The following PDE7A variants were observed in gnomAD, a reference collection of about 807,000 sequenced individuals.
The protein encoded by PDE7A is high affinity 3',5'-cyclic-AMP phosphodiesterase 7A.
In PDE7A, 39 loss-of-function variants were observed where a neutral mutation model predicts 64.3. That is an observed-to-expected ratio of 0.61 (90% CI 0.47 to 0.79). The LOEUF (loss-of-function observed/expected upper bound fraction) is 0.79, where lower values mean the gene tolerates loss of function less well. Ranked by LOEUF, PDE7A falls within the 30% of genes least tolerant of loss-of-function variation. The pLI, the probability that PDE7A is intolerant of heterozygous loss-of-function variation, is 0.00. For synonymous variants in PDE7A, 203 were observed against 206.8 expected, an observed-to-expected ratio of 0.98 and a Z score of 0.16; for missense variants, 470 against 582.8, an observed-to-expected ratio of 0.81 and a Z score of 1.99.
chr8:65,811,914 T>C (rs140343086), intron 1 of PDE7A, among the ~76,000 whole-genome samples: 34 of 152,212 alleles, frequency 2.2e-4, no homozygotes, highest in Admixed American at 9.8e-4. Flanking sequence ...TGGAAAAGAA[T>C]AGAAAGTCCA....
chr8:65,834,084 G>A (rs1343874391), intron 1 of PDE7A, among the ~76,000 whole-genome samples: 1 of 152,114 alleles, frequency 6.6e-6, no homozygotes, highest in African/African-American at 2.4e-5. Context: ...CCCCTTACAA[G>A]CAGATTTTTT....
At chr8:65,741,790 A>C (rs537629382) in intron 5 of PDE7A, among the ~76,000 whole-genome samples, 1 of 152,362 alleles carries the variant, frequency 6.6e-6, no homozygotes, top group Non-Finnish European at 1.5e-5. Context: ...AGATTATCAT[A>C]AGGTTCTCCA....
chr8:65,814,978 G>C (rs1810361281), intron 1 of PDE7A, among the ~76,000 whole-genome samples: 1 of 152,098 alleles, frequency 6.6e-6, no homozygotes, highest in Non-Finnish European at 1.5e-5. Context: ...CTACTCGGGA[G>C]GCTGAGGCAG....
intron 5 of PDE7A, among the ~76,000 whole-genome samples, chr8:65,743,419 TAGA>T (rs1480900348): frequency 6.6e-6 from 1 of 151,922 alleles, no homozygotes; most frequent in Non-Finnish European, 1.5e-5. Context: ...AAAGGAAAAG[TAGA>T]AGAGAGATAG....
rs564770167 is a variant in PDE7A, at chr8:65,786,540, T to G, written c.139-3697A>C. Among the ~76,000 whole-genome samples the G allele has an allele frequency of 4.7e-4, 72 of 152,350 alleles. 2 individuals are homozygous for G. The South Asian group carries it at 0.015, about 31-fold the overall frequency. On this transcript the variant is annotated intron_variant, in intron 1 of 12. Transcript: ENST00000401827. ...ATTTGACCTCCGTGTTAGAATCATGTTGTTTTAAAAATAATTATATCTACT... is the reference window on the plus strand; with the variant it reads ...ATTTGACCTCCGTGTTAGAATCATGGTGTTTTAAAAATAATTATATCTACT...
chr8:65,827,511 CT>C lies in PDE7A; in HGVS notation c.138+13859del, dbSNP rs374101399. 4.8e-3 allele frequency among the ~76,000 whole-genome samples: 734 copies of C among 152,230 alleles called. 5 individuals are homozygous for C. Among genetic ancestry groups the C allele is most frequent in the African/African-American group, 0.017 (711 of 41,524 alleles). On this transcript the variant is annotated intron_variant, in intron 1 of 12. Coordinates refer to ENST00000401827, the MANE Select transcript of PDE7A (RefSeq NM_001242318.3). The stretch of plus-strand genomic sequence containing the variant: ...TGTAAACTAGCCACCATAACACTCA[CT>C]TTAATTTTCTTCATTTTTCATTAAG...
intron 7 of PDE7A, among the ~76,000 whole-genome samples, chr8:65,734,178 A>T (rs1465898785): frequency 1.3e-5 from 2 of 152,042 alleles, no homozygotes; most frequent in African/African-American, 4.8e-5. Flanking sequence ...TCTGCTCTAC[A>T]TTCCTCCTCT....
intron 12 of PDE7A, chr8:65,722,494 C>T (rs931533560): frequency 6.6e-6 from 1 of 152,238 alleles, no homozygotes; most frequent in Non-Finnish European, 1.5e-5. Flanking sequence ...ACTTTGGGCA[C>T]ATATTTCACT....
intron 1 of PDE7A, among the ~76,000 whole-genome samples, chr8:65,818,719 C>T (rs1234792719): frequency 6.6e-6 from 1 of 152,164 alleles, no homozygotes; most frequent in Non-Finnish European, 1.5e-5. Flanking sequence ...ATGTGAATAC[C>T]TTAGGCTTTC....
intron 1 of PDE7A, among the ~76,000 whole-genome samples, chr8:65,800,451 T>A (rs1450399915): frequency 6.6e-6 from 1 of 152,214 alleles, no homozygotes; most frequent in Admixed American, 6.5e-5. Flanking sequence ...TGTATTGAAG[T>A]ATGATTTTGC....
intron 5 of PDE7A, among the ~76,000 whole-genome samples, chr8:65,743,793 CCT>C (rs1387684304): frequency 6.6e-6 from 1 of 151,996 alleles, no homozygotes; most frequent in East Asian, 1.9e-4. Context: ...GCACTGACTT[CCT>C]CTCAGTGTAC....
intron 1 of PDE7A, among the ~76,000 whole-genome samples, chr8:65,827,466 G>C (rs1393989903): frequency 6.6e-6 from 1 of 152,084 alleles, no homozygotes; most frequent in African/African-American, 2.4e-5. Context: ...TCTCAGCTTT[G>C]AAGTAGGTAG....
intron 1 of PDE7A, among the ~76,000 whole-genome samples, chr8:65,805,807 C>A (rs1011420243): frequency 6.6e-6 from 1 of 152,212 alleles, no homozygotes; most frequent in Non-Finnish European, 1.5e-5. Context: ...ATGTTAGCCG[C>A]CTTCTCAGCT....
chr8:65,743,244 C>T (rs865968283), intron 5 of PDE7A, among the ~76,000 whole-genome samples: 1 of 151,990 alleles, frequency 6.6e-6, no homozygotes, highest in South Asian at 2.1e-4. Context: ...GGGGAATTTC[C>T]CTGAGCAAGA....
At chr8:65,824,835 A>C (rs1163799981) in intron 1 of PDE7A, among the ~76,000 whole-genome samples, 1 of 152,222 alleles carries the variant, frequency 6.6e-6, no homozygotes, top group Non-Finnish European at 1.5e-5. Flanking sequence ...GGGAAACCAA[A>C]AGATTCACGT....
chr8:65,763,029 G>GTGTC (rs1554562392), intron 3 of PDE7A, among the ~76,000 whole-genome samples: 31 of 146,204 alleles, frequency 2.1e-4, no homozygotes, highest in African/African-American at 6.7e-4. Flanking sequence ...GTGTGTGTGT[G>GTGTC]TGTGTGTGTA....
rs893306203 is a variant in PDE7A, at chr8:65,821,181, C to CA, written c.138+20189dup. On this transcript the variant is annotated intron_variant, in intron 1 of 12. Transcript: ENST00000401827. ...GACTTTTTAAAAAAACAAAACAAAACAAAAAAAAACCCTTTTTTCATATTT... is the reference window on the plus strand; with the variant it reads ...GACTTTTTAAAAAAACAAAACAAAACAAAAAAAAAACCCTTTTTTCATATTT... Among the ~76,000 whole-genome samples, 64 of 149,036 alleles carry CA rather than the reference C, an allele frequency of 4.3e-4. 1 individual carries two copies. The highest frequency in any genetic ancestry group is 8.5e-4 in the South Asian group (4 of 4,706).
intron 1 of PDE7A, among the ~76,000 whole-genome samples, chr8:65,815,133 T>A (rs1309164943): frequency 6.6e-6 from 1 of 152,012 alleles, no homozygotes; most frequent in African/African-American, 2.4e-5. Context: ...TTTACAATAA[T>A]GTTGACAATA....
intron 12 of PDE7A, among the ~76,000 whole-genome samples, chr8:65,721,583 A>T (rs1269680416): frequency 6.6e-6 from 1 of 152,162 alleles, no homozygotes; most frequent in African/African-American, 2.4e-5. Context: ...CCCATTCTAG[A>T]TCTGTACAAC....
Sources: allele counts gnomAD v4.1 joint callset (sites outside exome capture counted in the v4.1 genomes callset), GRCh38; gene constraint gnomAD v4.1.1; transcripts MANE v1.5; gene names NCBI Gene and HGNC (gene_info 2026-07-23, HGNC 2026-07-21).